The following PIGK variants were observed in gnomAD, a reference collection of about 807,000 sequenced individuals.
PIGK encodes GPI-anchor transamidase.
PIGK carries 42 observed loss-of-function variants against 50.6 expected under a neutral mutation model. The ratio of observed to expected loss-of-function variants is 0.83; its 90% CI spans 0.65 to 1.07. The LOEUF (loss-of-function observed/expected upper bound fraction) is 1.07. Ranked by LOEUF, PIGK falls within the 50% of genes least tolerant of loss-of-function variation. PIGK has a pLI of 0.00. For missense variants in PIGK, 448 were observed against 488.7 expected, an observed-to-expected ratio of 0.92 and a Z score of 0.78; for synonymous variants, 151 against 156.0, an observed-to-expected ratio of 0.97 and a Z score of 0.24.
intron 9 of PIGK, among the ~76,000 whole-genome samples, chr1:77,124,917 T>C (rs1390095962): frequency 1.3e-5 from 2 of 152,318 alleles, no homozygotes; most frequent in South Asian, 2.1e-4. Flanking sequence ...TGGTCAATGG[T>C]GGGAAGAATA....
At chr1:77,167,187 C>A (rs77425667) in intron 4 of PIGK, among the ~76,000 whole-genome samples, 17,062 of 151,990 alleles carry the variant, frequency 0.11, 1,299 homozygotes, top group African/African-American at 0.21. Context: ...TGCACACACA[C>A]AAAAAATGTT....
At chr1:77,151,940 T>C (rs1052179443) in intron 9 of PIGK, among the ~76,000 whole-genome samples, 1 of 151,958 alleles carries the variant, frequency 6.6e-6, no homozygotes, top group Non-Finnish European at 1.5e-5. Flanking sequence ...TATTGATCTA[T>C]ACATATGCAA....
intron 10 of PIGK, among the ~76,000 whole-genome samples, chr1:77,118,025 TA>T (rs1553180621): frequency 6.6e-6 from 1 of 152,200 alleles, no homozygotes; most frequent in Non-Finnish European, 1.5e-5. Flanking sequence ...AACTTTCTGA[TA>T]AAAATAAACA....
intron 6 of PIGK, among the ~76,000 whole-genome samples, chr1:77,162,621 G>A (rs1229835079): frequency 6.6e-6 from 1 of 152,212 alleles, no homozygotes; most frequent in East Asian, 1.9e-4. Context: ...ACAATAAGCT[G>A]GCTAGCTGGC....
In PIGK at chr1:77,145,406, A is replaced by G. The variant is rs369426065; in HGVS notation, c.986+9043T>C. Among the ~76,000 whole-genome samples the G allele has an allele frequency of 8.1e-4, 124 of 152,198 alleles. 2 individuals are homozygous for G. The South Asian group carries it at 0.024, about 30-fold the overall frequency. ...AAGATCTCAGAAAAACAGTCAATATAAAATCAATTGTAATACTTCTGCATT... is the reference window on the plus strand; with the variant it reads ...AAGATCTCAGAAAAACAGTCAATATGAAATCAATTGTAATACTTCTGCATT... On this transcript the variant is annotated intron_variant, in intron 9 of 10. Transcript: ENST00000370812.
intron 9 of PIGK, among the ~76,000 whole-genome samples, chr1:77,142,760 TCA>T (rs1219178499): frequency 6.6e-6 from 1 of 152,042 alleles, no homozygotes; most frequent in Non-Finnish European, 1.5e-5. Context: ...ATGGGGGAAA[TCA>T]CACCATGACC....
At chr1:77,101,865 G>A (rs559797427) in intron 10 of PIGK, among the ~76,000 whole-genome samples, 16 of 152,100 alleles carry the variant, frequency 1.1e-4, no homozygotes, top group South Asian at 2.1e-4. Context: ...TTAGCTGGGC[G>A]TGGTGGTGCA....
chr1:77,108,195 T>C (rs1025904266), intron 10 of PIGK, among the ~76,000 whole-genome samples: 1 of 152,328 alleles, frequency 6.6e-6, no homozygotes, highest in East Asian at 1.9e-4. Context: ...CGATGGTCTT[T>C]ATAATTTCGC....
At chr1:77,173,802 C>T (rs1018564827) in intron 3 of PIGK, among the ~76,000 whole-genome samples, 6 of 152,182 alleles carry the variant, frequency 3.9e-5, no homozygotes, top group Non-Finnish European at 8.8e-5. Flanking sequence ...CAATAACAAA[C>T]GTTGCTGCAG....
intron 3 of PIGK, chr1:77,195,158 A>C (rs1656002510): frequency 8.1e-7 from 1 of 1,236,096 alleles, no homozygotes; most frequent in African/African-American, 1.5e-5. Context: ...ATTGCCAATG[A>C]GATTGGGTCA....
chr1:77,097,049 A>G (rs1653431219), intron 10 of PIGK, among the ~76,000 whole-genome samples: 1 of 151,958 alleles, frequency 6.6e-6, no homozygotes, highest in South Asian at 2.1e-4. Flanking sequence ...GATTAAGAAA[A>G]TGTGGCACAT....
chr1:77,199,039 T>C (rs1430297358), intron 3 of PIGK, among the ~76,000 whole-genome samples: 1 of 152,072 alleles, frequency 6.6e-6, no homozygotes, highest in African/African-American at 2.4e-5. Flanking sequence ...TATCAAAATC[T>C]TCCTATCTAT....
chr1:77,142,670 G>GA (rs1654674779), intron 9 of PIGK, among the ~76,000 whole-genome samples: 1 of 152,084 alleles, frequency 6.6e-6, no homozygotes, highest in Admixed American at 6.6e-5. Flanking sequence ...GCAGGAGAGA[G>GA]AAGTGCAAGC....
At chr1:77,205,065 C>A (rs1656258159) in intron 3 of PIGK, among the ~76,000 whole-genome samples, 1 of 152,082 alleles carries the variant, frequency 6.6e-6, no homozygotes, top group South Asian at 2.1e-4. Flanking sequence ...ACATAATATA[C>A]AAAATACATC....
chr1:77,143,383 A>C (rs1456676711), intron 9 of PIGK, among the ~76,000 whole-genome samples: 2 of 152,104 alleles, frequency 1.3e-5, no homozygotes, highest in African/African-American at 4.8e-5. Flanking sequence ...ACACTTACAT[A>C]TAGAGAGAAA....
At chr1:77,189,744 TATATACACACACACAC>T (rs1655853430) in intron 3 of PIGK, among the ~76,000 whole-genome samples, 1 of 38,942 alleles carries the variant, frequency 2.6e-5, no homozygotes, top group African/African-American at 1.5e-4. Context: ...TATATATATA[TATATACACACACACAC>T]ACACACACAC....
chr1:77,218,071 C>A (rs1656622360), intron 1 of PIGK, among the ~76,000 whole-genome samples: 2 of 152,024 alleles, frequency 1.3e-5, no homozygotes, highest in South Asian at 2.1e-4. Flanking sequence ...TGCTCAATAT[C>A]TTTTTTTAAC....
At chr1:77,193,245 A>ATGTGTGCGTGTGTGTG (rs1655952180) in intron 3 of PIGK, among the ~76,000 whole-genome samples, 1 of 144,778 alleles carries the variant, frequency 6.9e-6, no homozygotes, top group African/African-American at 2.6e-5. Flanking sequence ...TGGCATGAGA[A>ATGTGTGCGTGTGTGTG]TGTGTGTGTG....
intron 10 of PIGK, among the ~76,000 whole-genome samples, chr1:77,109,298 CACA>C (rs1333267979): frequency 9.2e-5 from 14 of 152,178 alleles, no homozygotes; most frequent in Non-Finnish European, 1.8e-4. Context: ...CTGGCAGAGA[CACA>C]ACAACAAAAG....
Sources: gnomAD v4.1 joint callset for allele counts (sites outside exome capture counted in the v4.1 genomes callset) on GRCh38, gnomAD v4.1.1 for gene constraint, MANE v1.5 for transcripts, NCBI Gene and HGNC (gene_info 2026-07-23, HGNC 2026-07-21) for gene names.